The following MFGE8 variants were observed in gnomAD, a reference collection of about 807,000 sequenced individuals.
MFGE8 encodes milk fat globule EGF and factor V/VIII domain containing.
MFGE8 carries 34 observed loss-of-function variants against 42.6 expected under a neutral mutation model. The ratio of observed to expected loss-of-function variants is 0.80; its 90% CI spans 0.61 to 1.06. The LOEUF (loss-of-function observed/expected upper bound fraction) is 1.06. Ranked by LOEUF, MFGE8 falls within the 50% of genes least tolerant of loss-of-function variation. The pLI is 0.00. For synonymous variants in MFGE8, 230 were observed against 214.8 expected, an observed-to-expected ratio of 1.07 and a Z score of -0.62; for missense variants, 510 against 516.9, an observed-to-expected ratio of 0.99 and a Z score of 0.13.
intron 6 of MFGE8, among the ~76,000 whole-genome samples, chr15:88,901,025 A>T (rs1898345406): frequency 6.6e-6 from 1 of 151,412 alleles, no homozygotes; most frequent in African/African-American, 2.4e-5. Flanking sequence ...ACACATTCTC[A>T]CACACACATA....
At position 88,901,520 on chromosome 15, in the gene MFGE8, C is replaced by T. The variant is rs779236185; in HGVS notation, c.870+31G>A. On this transcript the variant is annotated intron_variant, in intron 6 of 7. Coordinates refer to ENST00000268150, the MANE Select transcript of MFGE8 (RefSeq NM_005928.4). ...CAGTCCCACCTCATCCCACCCAACC[C>T]CAGCCCCATATCCCAAGAAGGCTGA... The T allele has an allele frequency of 1.3e-5, 17 of 1,262,324 alleles. No homozygotes were observed. The Admixed American group carries it at 2.3e-4, about 17-fold the overall frequency. 78.2% of individuals were successfully genotyped at this position (1,262,324 alleles called of 1,614,324 possible). A position where few individuals can be genotyped will look rare whatever the true frequency, so the allele number is the denominator to read the frequency against.
In MFGE8 at chr15:88,906,012, G is replaced by A. The variant is rs1898659168; in HGVS notation, c.541-111C>T. The A allele has an allele frequency of 7.4e-7, 1 of 1,345,744 alleles. No homozygotes were observed. Among genetic ancestry groups the A allele is most frequent in the South Asian group, 1.2e-5 (1 of 83,908 alleles). 83.4% of individuals were successfully genotyped at this position (1,345,744 alleles called of 1,614,324 possible). ...TGGGAGGCAGAGGTGGGGCTGGGAG[G>A]GTGAAGAGGACTTGGAAGAGCCAGC... On this transcript the variant is annotated intron_variant, in intron 4 of 7. Transcript: ENST00000268150. The surrounding 1 kb of genome is among the most constrained non-coding windows in gnomAD (Gnocchi z 4.2).
At chr15:88,909,964 G>C (rs774343578) in intron 1 of MFGE8, 41 bp from the exon 2 acceptor site, 15 of 1,612,700 alleles carry the variant, frequency 9.3e-6, no homozygotes, top group African/African-American at 1.3e-5. Context: ...TGATCAGGAA[G>C]GAGCTGGGGA....
In MFGE8 at chr15:88,905,858, AG is replaced by A; in HGVS notation, c.583del (p.Leu195CysfsTer11). 6.2e-7 allele frequency: 1 copy of A among 1,614,226 alleles called. No individual in the cohort carries two copies. The highest frequency in any genetic ancestry group is 8.5e-7 in the Non-Finnish European group (1 of 1,180,034). ...NWNKNAVHVN[L>X]FETPVEAQYV... is the part of the protein sequence containing the mutation. Reference sequence around the variant, plus strand: ...CTGAGCCTCCACAGGGGTCTCAAACAGGTTGACATGCACCGCGTTTTTGTTC... The same window carrying A: ...CTGAGCCTCCACAGGGGTCTCAAACAGTTGACATGCACCGCGTTTTTGTTC... On this transcript the variant is annotated frameshift_variant, in exon 5 of 8. Coordinates refer to ENST00000268150, the MANE Select transcript of MFGE8 (RefSeq NM_005928.4). LOFTEE classifies it high-confidence loss of function. This position sits in a 1 kb window ranked among gnomAD's most constrained non-coding sequence, Gnocchi z 6.6.
At chr15:88,901,517 A>AAACCCAAAAAGGGGGACC in intron 6 of MFGE8, 34 bp downstream of exon 6, 1 of 1,072,612 alleles carries the variant, frequency 9.3e-7, no homozygotes, top group Non-Finnish European at 1.4e-6. Flanking sequence ...ATCCCACCCA[A>AAACCCAAAAAGGGGGACC]CCCCAGCCCC....
In MFGE8 at chr15:88,907,383, G is replaced by C. The variant is rs753956132; in HGVS notation, c.206-7C>G. The stretch of plus-strand genomic sequence containing the variant: ...CCCAGTGGCTCGACACATTCTGAGG[G>C]AAGGGAGGTGGCAGTCAGGTGGCTA... On this transcript the variant is annotated splice_region_variant and splice_polypyrimidine_tract_variant and intron_variant, in intron 2 of 7. Coordinates refer to ENST00000268150, the MANE Select transcript of MFGE8 (RefSeq NM_005928.4). 18 of 1,614,114 alleles carry C rather than the reference G, an allele frequency of 1.1e-5. No individual in the cohort carries two copies. The East Asian group carries it at 3.8e-4, about 34-fold the overall frequency.
At position 88,913,260 on chromosome 15, in the gene MFGE8, G is replaced by A; in HGVS notation, c.60C>T (p.Leu20=). 1 of 1,505,428 alleles carries A rather than the reference G, an allele frequency of 6.6e-7. No individual in the cohort carries two copies. Among genetic ancestry groups the A allele is most frequent in the Non-Finnish European group, 8.8e-7 (1 of 1,135,040 alleles). The allele number at this position is 1,505,428 out of a possible 1,614,324, so 93.3% of individuals were successfully genotyped here. ...LCGALLCAPS[L]LVALDICSKN... is the part of the protein sequence containing the mutation. ...CGATCCACTCACCCAGGGCGACGAG[G>A]AGGCTGGGGGCGCAGAGCAGCGCGC... Residue 20 remains leucine, a synonymous_variant, in exon 1 of 8, where the codon CTC becomes CTT. Coordinates refer to ENST00000268150, the MANE Select transcript of MFGE8 (RefSeq NM_005928.4).
Position 88,907,222 on chromosome 15 carries a change from G to T in MFGE8, c.360C>A (p.Ser120Arg). Residue 120 changes from serine to arginine, a missense_variant, in exon 3 of 8, where the codon AGC (serine) becomes AGA (arginine). By Grantham distance (110) the Ser-to-Arg change is moderately radical. Transcript: ENST00000268150. ...GGATCCAGGGGTTATCGTCATTGCT[G>T]CTGGGTGTCCAGGCATTGACCATGC... ...RAGMVNAWTPSSNDDNPWIQV... is the reference protein window; with the variant it reads ...RAGMVNAWTPRSNDDNPWIQV... The T allele has an allele frequency of 6.2e-7, 1 of 1,614,104 alleles. No homozygotes were observed. Among genetic ancestry groups the T allele is most frequent in the East Asian group, 2.2e-5 (1 of 44,870 alleles).
chr15:88,907,485 G>C lies in MFGE8; in HGVS notation c.206-109C>G. On this transcript the variant is annotated intron_variant, in intron 2 of 7. Coordinates refer to ENST00000268150, the MANE Select transcript of MFGE8 (RefSeq NM_005928.4). Reference sequence around the variant, plus strand: ...CTGTATGACCTCTGCCTAAGCCCCAGGGCCAGGGAGAACCTCAGAGCCTCT... The same window carrying C: ...CTGTATGACCTCTGCCTAAGCCCCACGGCCAGGGAGAACCTCAGAGCCTCT... 3.0e-6 allele frequency: 3 copies of C among 984,332 alleles called. No individual in the cohort carries two copies. In the South Asian group the frequency reaches 4.0e-5, roughly 13 times the overall value. 61.0% of individuals were successfully genotyped at this position (984,332 alleles called of 1,614,324 possible). A position where few individuals can be genotyped will look rare whatever the true frequency, so the allele number is the denominator to read the frequency against.
intron 2 of MFGE8, among the ~76,000 whole-genome samples, chr15:88,907,656 C>G (rs929075049): frequency 6.6e-6 from 1 of 151,144 alleles, no homozygotes; most frequent in Non-Finnish European, 1.5e-5. Flanking sequence ...GGATCCCAGC[C>G]AGGGTAGCAC....
chr15:88,905,163 C>G lies in MFGE8; in HGVS notation c.685+594G>C, dbSNP rs985505692. 2.0e-5 allele frequency among the ~76,000 whole-genome samples: 3 copies of G among 151,792 alleles called. No individual in the cohort carries two copies. Among genetic ancestry groups the G allele is most frequent in the African/African-American group, 4.9e-5 (2 of 41,082 alleles). On this transcript the variant is annotated intron_variant, in intron 5 of 7. Transcript: ENST00000268150. The surrounding 1 kb of genome is among the most constrained non-coding windows in gnomAD (Gnocchi z 6.6). Reference sequence around the variant, plus strand: ...GCTCCAAGCCCTGTGGTCCAAGAAGCCCCTGTGTTTCTCTGGAGTGCAGAC... The same window carrying G: ...GCTCCAAGCCCTGTGGTCCAAGAAGGCCCTGTGTTTCTCTGGAGTGCAGAC...
chr15:88,901,185 A>ACATT (rs1898382794), intron 6 of MFGE8, among the ~76,000 whole-genome samples: 1 of 56,888 alleles, frequency 1.8e-5, no homozygotes, highest in Non-Finnish European at 4.7e-5. Context: ...TCACACATTC[A>ACATT]CACACACATT....
Position 88,906,130 on chromosome 15 carries a change from A to G in MFGE8, c.541-229T>C. On this transcript the variant is annotated intron_variant, in intron 4 of 7. Transcript: ENST00000268150. This position sits in a 1 kb window ranked among gnomAD's most constrained non-coding sequence, Gnocchi z 4.2. ...TCCTTAATCATCATGGAGCCTGGGC[A>G]TAAACCCCTATAGCTGACACAGGGC... 2 of 594,834 alleles carry G rather than the reference A, an allele frequency of 3.4e-6. No individual in the cohort carries two copies. Among genetic ancestry groups the G allele is most frequent in the South Asian group, 3.9e-5 (2 of 51,452 alleles). 36.8% of individuals were successfully genotyped at this position (594,834 alleles called of 1,614,324 possible).
At chr15:88,901,202 TTCACACAC>T (rs1898388168) in intron 6 of MFGE8, among the ~76,000 whole-genome samples, 2 of 52,794 alleles carry the variant, frequency 3.8e-5, no homozygotes, top group South Asian at 6.8e-4. Flanking sequence ...CATTCACACA[TTCACACAC>T]ACACATTCAC....
rs542834314 is a variant in MFGE8 at position 88,907,713 on chromosome 15, CG to C, written c.206-338del. 3.9e-3 allele frequency among the ~76,000 whole-genome samples: 589 copies of C among 151,468 alleles called. 23 individuals carry two copies. In the South Asian group the frequency reaches 0.093, roughly 24 times the overall value. The stretch of plus-strand genomic sequence containing the variant: ...CACTCATGGAAAGTAGAGTCCCCCC[CG>C]CCAGGCTGTGGGAGGTGGCCTCGTT... On this transcript the variant is annotated intron_variant, in intron 2 of 7. Transcript: ENST00000268150.
Position 88,909,859 on chromosome 15 carries a change from T to A in MFGE8, c.138A>T (p.Arg46=). 2 of 1,614,206 alleles carry A rather than the reference T, an allele frequency of 1.2e-6. No homozygotes were observed. The highest frequency in any genetic ancestry group is 1.7e-6 in the Non-Finnish European group (2 of 1,180,024). The part of the protein sequence containing the change: ...GLCEEISQEV[R]GDVFPSYTCT... ...AGGTGTACGAGGGGAAGACATCTCCTCGCACTTCTTGGGAAATCTCCTCGC... is the reference window on the plus strand; with the variant it reads ...AGGTGTACGAGGGGAAGACATCTCCACGCACTTCTTGGGAAATCTCCTCGC... Residue 46 remains arginine (R), a synonymous_variant, in exon 2 of 8, where the codon CGA becomes CGT. Transcript: ENST00000268150.
At chr15:88,908,893 C>A (rs912790821) in intron 2 of MFGE8, among the ~76,000 whole-genome samples, 1 of 152,170 alleles carries the variant, frequency 6.6e-6, no homozygotes, top group South Asian at 2.1e-4. Context: ...CTGGCTCAAG[C>A]CCCCCGCCCC....
chr15:88,908,099 C>T (rs150572405), intron 2 of MFGE8, among the ~76,000 whole-genome samples: 1 of 152,140 alleles, frequency 6.6e-6, no homozygotes, highest in Admixed American at 6.5e-5. Context: ...CAAGGCCCCA[C>T]CCCCCTCACC....
Position 88,899,065 on chromosome 15 carries a change from C to A in MFGE8, c.*330G>T. ...GCTAGGAGAGACAGAGACACACGCACCTGGGATCGGCGGTCCGGACAGGGG... is the reference window on the plus strand; with the variant it reads ...GCTAGGAGAGACAGAGACACACGCAACTGGGATCGGCGGTCCGGACAGGGG... On this transcript the variant is annotated 3_prime_UTR_variant, in exon 8 of 8. Coordinates refer to ENST00000268150, the MANE Select transcript of MFGE8 (RefSeq NM_005928.4). The surrounding 1 kb of genome is among the most constrained non-coding windows in gnomAD (Gnocchi z 6.8). 2.4e-6 allele frequency: 1 copy of A among 417,948 alleles called. No individual in the cohort carries two copies. Among genetic ancestry groups the A allele is most frequent in the Non-Finnish European group, 4.5e-6 (1 of 221,794 alleles). 25.9% of individuals were successfully genotyped at this position (417,948 alleles called of 1,614,324 possible).
Sources: allele counts gnomAD v4.1 joint callset (sites outside exome capture counted in the v4.1 genomes callset), GRCh38; gene constraint gnomAD v4.1.1; non-coding constraint Gnocchi (gnomAD v3.1); transcripts MANE v1.5; gene names NCBI Gene and HGNC (gene_info 2026-07-23, HGNC 2026-07-21).